The following TRHDE variants were observed in gnomAD, a reference collection of about 807,000 sequenced individuals.
The protein encoded by TRHDE is thyrotropin releasing hormone degrading enzyme.
TRHDE carries 72 observed loss-of-function variants against 125.7 expected under a neutral mutation model. That is an observed-to-expected ratio of 0.57 (90% CI 0.47 to 0.70). The LOEUF (loss-of-function observed/expected upper bound fraction) is 0.70. Ranked by LOEUF, TRHDE falls within the 30% of genes least tolerant of loss-of-function variation. The pLI, the probability that TRHDE is intolerant of heterozygous loss-of-function variation, is 0.00. For synonymous variants in TRHDE, 509 were observed against 509.1 expected (o/e 1.00, Z 0.00); for missense variants, 1,110 against 1,327.1 (o/e 0.84, Z 2.54).
intron 1 of TRHDE, among the ~76,000 whole-genome samples, chr12:72,284,102 T>C (rs1306802002): frequency 6.6e-6 from 1 of 152,126 alleles, no homozygotes; most frequent in Non-Finnish European, 1.5e-5. Flanking sequence ...AAGGAAATGC[T>C]TATTGGAACG....
chr12:72,245,123 G>A (rs889341811), intron 2 of TRHDE, among the ~76,000 whole-genome samples: 1 of 151,948 alleles, frequency 6.6e-6, no homozygotes. Context: ...TCTTGAAGAA[G>A]TCAAATAATG....
chr12:72,098,506 T>C (rs1477983425), intron 1 of TRHDE, among the ~76,000 whole-genome samples: 4 of 152,216 alleles, frequency 2.6e-5, no homozygotes, highest in Non-Finnish European at 4.4e-5. Flanking sequence ...TTGCTGTTTC[T>C]GTAATTTAGA....
chr12:72,527,770 C>T (rs1283010162), intron 6 of TRHDE, among the ~76,000 whole-genome samples: 1 of 151,956 alleles, frequency 6.6e-6, no homozygotes, highest in Non-Finnish European at 1.5e-5. Flanking sequence ...ATATTATATA[C>T]ATCAACATAC....
intron 2 of TRHDE, among the ~76,000 whole-genome samples, chr12:72,244,479 A>G (rs1335948587): frequency 2.0e-5 from 3 of 152,140 alleles, no homozygotes; most frequent in African/African-American, 4.8e-5. Context: ...AATTAAACAA[A>G]AAGTACCATC....
chr12:72,205,760 A>G (rs1225597723), intron 2 of TRHDE, among the ~76,000 whole-genome samples: 1 of 152,242 alleles, frequency 6.6e-6, no homozygotes, highest in African/African-American at 2.4e-5. Context: ...CAGTTTATCA[A>G]TTGATAGACA....
At chr12:72,238,900 T>C (rs999653996) in intron 2 of TRHDE, among the ~76,000 whole-genome samples, 4 of 152,210 alleles carry the variant, frequency 2.6e-5, no homozygotes, top group African/African-American at 9.6e-5. Flanking sequence ...CCTTTGGGTA[T>C]ATACCCAGTA....
intron 3 of TRHDE, among the ~76,000 whole-genome samples, chr12:72,396,269 A>C (rs754887562): frequency 6.6e-6 from 1 of 152,164 alleles, no homozygotes; most frequent in African/African-American, 2.4e-5. Flanking sequence ...TGTTAATAGC[A>C]TATTCTTCAG....
At chr12:72,555,286 C>A (rs1400957911) in intron 7 of TRHDE, among the ~76,000 whole-genome samples, 2 of 152,112 alleles carry the variant, frequency 1.3e-5, no homozygotes, top group Admixed American at 6.5e-5. Context: ...GGTATACAAA[C>A]CATGAAAACT....
chr12:72,419,069 G>C (rs1257435248), intron 3 of TRHDE, among the ~76,000 whole-genome samples: 2 of 152,146 alleles, frequency 1.3e-5, no homozygotes, highest in African/African-American at 4.8e-5. Context: ...AAAGGGGTAG[G>C]AAGTAATTCT....
intron 3 of TRHDE, among the ~76,000 whole-genome samples, chr12:72,388,705 C>G (rs537460828): frequency 2.0e-5 from 3 of 152,150 alleles, no homozygotes; most frequent in East Asian, 3.9e-4. Flanking sequence ...ATAGTTGCAG[C>G]TATTTTCTCA....
At chr12:72,372,164 G>T (rs1248726528) in intron 2 of TRHDE, among the ~76,000 whole-genome samples, 1 of 152,080 alleles carries the variant, frequency 6.6e-6, no homozygotes, top group Non-Finnish European at 1.5e-5. Flanking sequence ...ATTTTTTCAT[G>T]TGTCTTTTGG....
chr12:72,538,638 G>C (rs1400131986), intron 6 of TRHDE, among the ~76,000 whole-genome samples: 2 of 151,756 alleles, frequency 1.3e-5, no homozygotes, highest in African/African-American at 2.4e-5. Context: ...TCTGTTCCTT[G>C]GGTTCTATAC....
At chr12:72,304,379 T>C (rs539860885) in intron 2 of TRHDE, among the ~76,000 whole-genome samples, 2 of 152,302 alleles carry the variant, frequency 1.3e-5, no homozygotes, top group East Asian at 3.9e-4. Flanking sequence ...AGCTTGATGT[T>C]ATTTAGTAAA....
At chr12:72,442,465 T>C (rs548668635) in intron 3 of TRHDE, among the ~76,000 whole-genome samples, 1 of 151,960 alleles carries the variant, frequency 6.6e-6, no homozygotes, top group African/African-American at 2.4e-5. Context: ...AAAGGCAGAT[T>C]GGCCAAATCC....
At chr12:72,234,630 T>C (rs1878306805) in intron 2 of TRHDE, among the ~76,000 whole-genome samples, 1 of 152,158 alleles carries the variant, frequency 6.6e-6, no homozygotes, top group African/African-American at 2.4e-5. Context: ...TGTATTATAA[T>C]GATAAATCAG....
At chr12:72,329,100 T>C (rs1449002402) in intron 2 of TRHDE, among the ~76,000 whole-genome samples, 1 of 152,196 alleles carries the variant, frequency 6.6e-6, no homozygotes, top group Non-Finnish European at 1.5e-5. Context: ...TGTCCTTTGC[T>C]AGACTCTTGG....
At chr12:72,495,086 T>TTA (rs757707157) in intron 5 of TRHDE, among the ~76,000 whole-genome samples, 1,520 of 126,634 alleles carry the variant, frequency 0.012, 107 homozygotes, top group East Asian at 0.051. Context: ...TTTTTTTTTT[T>TTA]AAGTTTCATC....
intron 2 of TRHDE, among the ~76,000 whole-genome samples, chr12:72,110,554 A>G (rs1163708963): frequency 2.0e-5 from 3 of 152,126 alleles, no homozygotes; most frequent in African/African-American, 4.8e-5. Context: ...TAATTTCTAC[A>G]TAACATACCT....
At chr12:72,494,946 T>C (rs1399298612) in intron 5 of TRHDE, among the ~76,000 whole-genome samples, 1 of 152,010 alleles carries the variant, frequency 6.6e-6, no homozygotes, top group Non-Finnish European at 1.5e-5. Context: ...ACATATCTTT[T>C]TAGATATTTA....
Sources: gnomAD v4.1 joint callset for allele counts (sites outside exome capture counted in the v4.1 genomes callset) on GRCh38, gnomAD v4.1.1 for gene constraint, MANE v1.5 for transcripts, NCBI Gene and HGNC (gene_info 2026-07-23, HGNC 2026-07-21) for gene names.